The following MYCBP2 variants were observed in gnomAD, a reference collection of about 807,000 sequenced individuals.
MYCBP2 encodes the protein MYC binding protein 2.
Under a neutral mutation model 525.3 loss-of-function variants are expected in MYCBP2, and 120 were observed. The ratio of observed to expected loss-of-function variants is 0.23; its 90% CI spans 0.20 to 0.27. The LOEUF is 0.27. Among genes scored for constraint, MYCBP2 ranks in the 10% least tolerant of loss-of-function variants. The pLI is 1.00. For missense variants in MYCBP2, 4,149 were observed against 5,657.1 expected (o/e 0.73, Z 8.55); for synonymous variants, 1,894 against 1,955.8 (o/e 0.97, Z 0.83).
chr13:77,235,035 T>C (rs2067701595), intron 17 of MYCBP2, among the ~76,000 whole-genome samples: 1 of 152,040 alleles, frequency 6.6e-6, no homozygotes. Flanking sequence ...AAAATACTAT[T>C]GTATCCCATG....
intron 52 of MYCBP2, among the ~76,000 whole-genome samples, chr13:77,135,478 T>TA (rs1312645837): frequency 2.0e-5 from 3 of 151,984 alleles, no homozygotes; most frequent in Non-Finnish European, 4.4e-5. Context: ...CAGATACTCA[T>TA]AAAAAAAATG....
intron 55 of MYCBP2, among the ~76,000 whole-genome samples, chr13:77,113,456 G>C (rs73239478): frequency 0.022 from 3,391 of 151,876 alleles, 56 homozygotes; most frequent in Middle Eastern, 0.078. Flanking sequence ...ACCTAGCACA[G>C]AGTAGATACT....
chr13:77,184,029 CTTCT>C (rs1290436724), intron 32 of MYCBP2, among the ~76,000 whole-genome samples: 2 of 151,958 alleles, frequency 1.3e-5, no homozygotes, highest in Non-Finnish European at 2.9e-5. Context: ...TCCTTCCTTC[CTTCT>C]AACTTTGGGT....
At chr13:77,052,835 G>A (rs1232181116) in intron 80 of MYCBP2, among the ~76,000 whole-genome samples, 1 of 152,054 alleles carries the variant, frequency 6.6e-6, no homozygotes, top group Non-Finnish European at 1.5e-5. Flanking sequence ...CATTTTTTAA[G>A]AAGAAAAGGC....
At chr13:77,199,151 T>C (rs889354677) in intron 26 of MYCBP2, among the ~76,000 whole-genome samples, 2 of 151,960 alleles carry the variant, frequency 1.3e-5, no homozygotes, top group African/African-American at 4.8e-5. Flanking sequence ...CACTAGGGAG[T>C]GCCAGACAGT....
rs1233457247 is a variant in MYCBP2, at chr13:77,288,222, C to T, written c.533G>A (p.Ser178Asn). ...TTCTTCATCACTATCTGATTCTCCA[C>T]TCTGCACAGAGTTCTTAGATGCGGC... ...LAAASKNSVQ[S>N]GESDSDEEEE... The change falls in exon 3 of 83, where the codon AGT becomes AAT. Residue 178 changes from serine (S) to asparagine (N), a missense_variant. By Grantham distance (46) the Ser-to-Asn change is conservative. Transcript: ENST00000544440. The T allele has an allele frequency of 6.2e-7, 1 of 1,614,058 alleles. No homozygotes were observed. Among genetic ancestry groups the T allele is most frequent in the Non-Finnish European group, 8.5e-7 (1 of 1,180,038 alleles).
At chr13:77,321,626 T>G (rs181681242) in intron 1 of MYCBP2, among the ~76,000 whole-genome samples, 1 of 152,348 alleles carries the variant, frequency 6.6e-6, no homozygotes, top group East Asian at 1.9e-4. Flanking sequence ...GCATTCTAGC[T>G]CTAACAGAAT....
At chr13:77,071,202 G>A (rs1271783779) in intron 68 of MYCBP2, among the ~76,000 whole-genome samples, 1 of 150,892 alleles carries the variant, frequency 6.6e-6, no homozygotes, top group Non-Finnish European at 1.5e-5. Flanking sequence ...TGTGCACGCT[G>A]TTCTTCTAAG....
chr13:77,225,350 C>T lies in MYCBP2; in HGVS notation c.2857+85G>A, dbSNP rs961283469. The T allele has an allele frequency of 9.0e-6, 14 of 1,552,920 alleles. No homozygotes were observed. In the African/African-American group the frequency reaches 1.9e-4, roughly 21 times the overall value. ...GCTACAGCTTTTAACACACAGTTAA[C>T]AGGCTATGTTCATCAAATCTGAAGA... On this transcript the variant is annotated intron_variant, in intron 19 of 82. Transcript: ENST00000544440.
chr13:77,312,847 A>G (rs1224438797), intron 1 of MYCBP2, among the ~76,000 whole-genome samples: 1 of 151,944 alleles, frequency 6.6e-6, no homozygotes, highest in African/African-American at 2.4e-5. Context: ...GCAAGGTTCT[A>G]TACTAGTTGC....
chr13:77,282,379 C>T (rs1291103566), intron 3 of MYCBP2, among the ~76,000 whole-genome samples: 2 of 149,164 alleles, frequency 1.3e-5, no homozygotes, highest in Non-Finnish European at 3.0e-5. Context: ...CACTGCACTT[C>T]AGCCTGGGCA....
chr13:77,209,948 T>C (rs1427490905), intron 23 of MYCBP2, among the ~76,000 whole-genome samples: 2 of 152,134 alleles, frequency 1.3e-5, no homozygotes, highest in African/African-American at 4.8e-5. Flanking sequence ...GGCTGTCTGA[T>C]GAGAATGCAA....
At chr13:77,161,869 T>G in intron 44 of MYCBP2, 37 bp downstream of exon 44, 2 of 1,516,216 alleles carry the variant, frequency 1.3e-6, no homozygotes, top group African/African-American at 2.8e-5. Context: ...TTTAAATTAA[T>G]GTACAAAGTT....
rs909468484 is a variant in MYCBP2 at position 77,077,248 on chromosome 13, C to T, written c.11624G>A (p.Gly3875Asp). 1 of 1,614,044 alleles carries T rather than the reference C, an allele frequency of 6.2e-7. No homozygotes were observed. The highest frequency in any genetic ancestry group is 8.5e-7 in the Non-Finnish European group (1 of 1,179,968). Residue 3875 changes from glycine to aspartate, a missense_variant, in exon 67 of 83, where the codon GGT becomes GAT. Gly to Asp is a moderately conservative substitution (Grantham distance 94). Coordinates refer to ENST00000544440, the MANE Select transcript of MYCBP2 (RefSeq NM_015057.5). ...CTGGCCAGCTATTTTTGTGCTTTCA[C>T]CATCTTTCCAGCCCAGGACTTTGAC... ...RQVKVLGWKD[G>D]ESTKIAGQIS...
chr13:77,264,127 T>C (rs892983755), intron 8 of MYCBP2, 125 bp from the exon 9 acceptor site: 1 of 588,142 alleles, frequency 1.7e-6, no homozygotes, highest in Non-Finnish European at 2.9e-6. Flanking sequence ...AAGGAGACTG[T>C]GCTTTTTAAT....
intron 15 of MYCBP2, among the ~76,000 whole-genome samples, chr13:77,250,010 T>C (rs1401115336): frequency 6.6e-6 from 1 of 151,434 alleles, no homozygotes; most frequent in Non-Finnish European, 1.5e-5. Context: ...GATCACGAGG[T>C]CAGGAGATCG....
intron 2 of MYCBP2, among the ~76,000 whole-genome samples, chr13:77,288,983 C>A (rs777771008): frequency 1.3e-5 from 2 of 152,074 alleles, no homozygotes; most frequent in Non-Finnish European, 2.9e-5. Flanking sequence ...TAAACAGTTT[C>A]TCTTTTATGC....
intron 72 of MYCBP2, 29 bp downstream of exon 72, chr13:77,065,963 A>T: frequency 2.6e-6 from 4 of 1,561,856 alleles, no homozygotes; most frequent in Non-Finnish European, 3.5e-6. Context: ...GCCGCACTTC[A>T]CTGCCAAAAC....
intron 18 of MYCBP2, among the ~76,000 whole-genome samples, chr13:77,232,592 C>T (rs2067281611): frequency 1.3e-5 from 2 of 152,154 alleles, no homozygotes; most frequent in Non-Finnish European, 2.9e-5. Context: ...TCACCAGGGA[C>T]TAGAGAAAGT....
Sources: gnomAD v4.1 joint callset for allele counts (sites outside exome capture counted in the v4.1 genomes callset) on GRCh38, gnomAD v4.1.1 for gene constraint, MANE v1.5 for transcripts, NCBI Gene and HGNC (gene_info 2026-07-23, HGNC 2026-07-21) for gene names.